FSTL5: variants seen among roughly 807,000 people sequenced by gnomAD.
FSTL5 encodes follistatin like 5.
Under a neutral mutation model 89.1 loss-of-function variants are expected in FSTL5, and 62 were observed. The observed-to-expected ratio is 0.70, with a 90% confidence interval of 0.57 to 0.86. FSTL5 has a LOEUF of 0.86. Ranked by LOEUF, FSTL5 falls within the 40% of genes least tolerant of loss-of-function variation. The pLI, the probability that FSTL5 is intolerant of heterozygous loss-of-function variation, is 0.00. For synonymous variants in FSTL5, 383 were observed against 346.2 expected (o/e 1.11, Z -1.18); for missense variants, 1,057 against 1,001.6 (o/e 1.06, Z -0.75).
At chr4:162,056,351 C>T (rs1447385687) in intron 2 of FSTL5, among the ~76,000 whole-genome samples, 1 of 151,890 alleles carries the variant, frequency 6.6e-6, no homozygotes, top group Non-Finnish European at 1.5e-5. Context: ...TAACCCATTT[C>T]TAGAGTAATT....
intron 3 of FSTL5, among the ~76,000 whole-genome samples, chr4:161,982,656 TATTTG>T (rs1347474416): frequency 3.3e-5 from 5 of 152,214 alleles, no homozygotes; most frequent in African/African-American, 9.6e-5. Flanking sequence ...AATATTTGAA[TATTTG>T]ATTTAACATA....
At chr4:161,731,841 T>G (rs1483552410) in intron 6 of FSTL5, among the ~76,000 whole-genome samples, 1 of 152,044 alleles carries the variant, frequency 6.6e-6, no homozygotes, top group African/African-American at 2.4e-5. Flanking sequence ...GATTCCTTTT[T>G]ATTGCCAAGT....
chr4:161,752,214 A>G (rs1740417683), intron 6 of FSTL5, among the ~76,000 whole-genome samples: 2 of 148,284 alleles, frequency 1.3e-5, no homozygotes, highest in African/African-American at 5.0e-5. Context: ...ATATAGACAG[A>G]TGATAGATGG....
intron 4 of FSTL5, among the ~76,000 whole-genome samples, chr4:161,824,126 A>G (rs778335119): frequency 2.6e-5 from 4 of 152,206 alleles, no homozygotes; most frequent in Non-Finnish European, 5.9e-5. Flanking sequence ...GTTATTGCAT[A>G]GAATTTTTAT....
intron 6 of FSTL5, among the ~76,000 whole-genome samples, chr4:161,727,703 T>C (rs1168214723): frequency 6.6e-6 from 1 of 152,096 alleles, no homozygotes; most frequent in Non-Finnish European, 1.5e-5. Flanking sequence ...CTTTGTACAA[T>C]TACACCCCTA....
At chr4:161,399,202 A>T (rs903919515) in intron 15 of FSTL5, among the ~76,000 whole-genome samples, 1 of 152,242 alleles carries the variant, frequency 6.6e-6, no homozygotes, top group Middle Eastern at 3.4e-3. Flanking sequence ...CCTTAACAAC[A>T]TAGGGGATAG....
intron 6 of FSTL5, among the ~76,000 whole-genome samples, chr4:161,736,030 A>T (rs529605019): frequency 5.6e-4 from 85 of 152,242 alleles, no homozygotes; most frequent in African/African-American, 1.7e-3. Flanking sequence ...CATGTTCAGG[A>T]ATCATAGAGG....
chr4:161,468,045 C>T (rs80227896), intron 13 of FSTL5, among the ~76,000 whole-genome samples: 4,510 of 152,030 alleles, frequency 0.03, 164 homozygotes, highest in East Asian at 0.13. Flanking sequence ...ATAGTTTGTC[C>T]AGAATGGCCC....
At chr4:162,154,512 A>G (rs1364299802) in intron 1 of FSTL5, among the ~76,000 whole-genome samples, 1 of 152,186 alleles carries the variant, frequency 6.6e-6, no homozygotes, top group East Asian at 1.9e-4. Context: ...AAAAGAGCAT[A>G]AATATAATGT....
At chr4:161,512,476 CAG>C (rs1553993194) in intron 10 of FSTL5, among the ~76,000 whole-genome samples, 1 of 151,914 alleles carries the variant, frequency 6.6e-6, no homozygotes, top group Non-Finnish European at 1.5e-5. Flanking sequence ...CATTGTTAAA[CAG>C]GGGGAACTTC....
intron 6 of FSTL5, among the ~76,000 whole-genome samples, chr4:161,666,680 G>A (rs1370692013): frequency 6.6e-6 from 1 of 151,994 alleles, no homozygotes; most frequent in Non-Finnish European, 1.5e-5. Context: ...CCCTATATGG[G>A]GAGAGAACAG....
At chr4:161,648,161 G>A (rs1578993831) in intron 7 of FSTL5, among the ~76,000 whole-genome samples, 1 of 152,144 alleles carries the variant, frequency 6.6e-6, no homozygotes, top group African/African-American at 2.4e-5. Flanking sequence ...AGAACCTCAG[G>A]ATACAGAAAG....
At chr4:161,393,163 C>CA (rs1730878964) in intron 15 of FSTL5, among the ~76,000 whole-genome samples, 2 of 150,268 alleles carry the variant, frequency 1.3e-5, no homozygotes, top group South Asian at 2.1e-4. Context: ...GAATCTGTCT[C>CA]AAAAAAAGAA....
chr4:162,019,176 G>T lies in FSTL5; in HGVS notation c.160+14449C>A, dbSNP rs77719058. The stretch of plus-strand genomic sequence containing the variant: ...CCACAATTGAGGGAAATGAAATTTT[G>T]GTAATACATGTGTAATTCCTAAAGC... On this transcript the variant is annotated intron_variant, in intron 3 of 15. Coordinates refer to ENST00000306100, the MANE Select transcript of FSTL5 (RefSeq NM_020116.5). 9.4e-3 allele frequency among the ~76,000 whole-genome samples: 1,425 copies of T among 151,460 alleles called. 15 individuals carry two copies. The highest frequency in any genetic ancestry group is 0.032 in the African/African-American group (1,327 of 41,336).
At position 161,675,778 on chromosome 4, in the gene FSTL5, A is replaced by T. The variant is rs187813907; in HGVS notation, c.728-19284T>A. Among the ~76,000 whole-genome samples, 669 of 152,092 alleles carry T rather than the reference A, an allele frequency of 4.4e-3. 7 individuals are homozygous for T. The highest frequency in any genetic ancestry group is 0.015 in the African/African-American group (639 of 41,534). ...CTGGAACCATAATATAATTTATGCT[A>T]ATGAGACGCTATCTGATAGAAATTT... On this transcript the variant is annotated intron_variant, in intron 6 of 15. Transcript: ENST00000306100.
At chr4:161,636,687 C>A (rs1214026150) in intron 7 of FSTL5, among the ~76,000 whole-genome samples, 3 of 148,032 alleles carry the variant, frequency 2.0e-5, no homozygotes, top group African/African-American at 7.6e-5. Context: ...TGTTCAATTC[C>A]CACCTATGAG....
intron 4 of FSTL5, among the ~76,000 whole-genome samples, chr4:161,817,436 A>T (rs1232218959): frequency 1.3e-5 from 2 of 152,198 alleles, no homozygotes; most frequent in Non-Finnish European, 2.9e-5. Context: ...CAAAATTCTC[A>T]ATATACTGGT....
At chr4:162,127,564 T>C (rs1732131563) in intron 1 of FSTL5, among the ~76,000 whole-genome samples, 1 of 152,202 alleles carries the variant, frequency 6.6e-6, no homozygotes, top group Non-Finnish European at 1.5e-5. Flanking sequence ...TTGCAACCTT[T>C]GTTTCTTTGA....
chr4:161,397,129 T>A (rs562433353), intron 15 of FSTL5, among the ~76,000 whole-genome samples: 1 of 152,254 alleles, frequency 6.6e-6, no homozygotes, highest in Non-Finnish European at 1.5e-5. Flanking sequence ...AATGTGAATG[T>A]CTTACCCATG....
Sources: gnomAD v4.1 joint callset for allele counts (sites outside exome capture counted in the v4.1 genomes callset) on GRCh38, gnomAD v4.1.1 for gene constraint, MANE v1.5 for transcripts, NCBI Gene and HGNC (gene_info 2026-07-23, HGNC 2026-07-21) for gene names.